Variants in SLC26A7 observed in about 807,000 individuals in gnomAD.
SLC26A7 encodes anion exchange transporter.
SLC26A7 carries 59 observed loss-of-function variants against 82.5 expected under a neutral mutation model. The ratio of observed to expected loss-of-function variants is 0.72; its 90% CI spans 0.58 to 0.89. SLC26A7 has a LOEUF of 0.89. Ranked by LOEUF, SLC26A7 falls within the 40% of genes least tolerant of loss-of-function variation. The probability of loss-of-function intolerance (pLI) is 0.00; values close to 1 mark genes in which losing one functional copy is unlikely to be tolerated. For missense variants in SLC26A7, 820 were observed against 793.0 expected (o/e 1.03, Z -0.41); for synonymous variants, 271 against 274.3 (o/e 0.99, Z 0.12).
At chr8:91,340,092 C>T (rs1813359922) in intron 7 of SLC26A7, among the ~76,000 whole-genome samples, 1 of 152,122 alleles carries the variant, frequency 6.6e-6, no homozygotes, top group South Asian at 2.1e-4. Flanking sequence ...AAAGAATGCT[C>T]CAGATTTGCT....
chr8:91,363,999 T>G (rs2130872016), intron 13 of SLC26A7, among the ~76,000 whole-genome samples: 1 of 151,536 alleles, frequency 6.6e-6, no homozygotes, highest in South Asian at 2.1e-4. Context: ...CAGAGGGTAA[T>G]TCAGTCCAAT....
intron 1 of SLC26A7, chr8:91,218,816 A>T: frequency 1.1e-6 from 1 of 929,322 alleles, no homozygotes; most frequent in East Asian, 2.7e-5. Flanking sequence ...ACCTCTGAGA[A>T]AGCAAATATT....
At chr8:91,217,579 G>T (rs1216501074) in intron 1 of SLC26A7, among the ~76,000 whole-genome samples, 1 of 152,110 alleles carries the variant, frequency 6.6e-6, no homozygotes, top group East Asian at 1.9e-4. Flanking sequence ...GGAAGCAATT[G>T]AGTCATTGCC....
At chr8:91,279,949 A>G (rs765622064) in intron 2 of SLC26A7, among the ~76,000 whole-genome samples, 2 of 152,258 alleles carry the variant, frequency 1.3e-5, no homozygotes, top group Middle Eastern at 6.8e-3. Flanking sequence ...TAAAAAAATC[A>G]GGTTACTTAT....
intron 2 of SLC26A7, among the ~76,000 whole-genome samples, chr8:91,267,168 G>A (rs750629310): frequency 2.1e-4 from 32 of 151,466 alleles, no homozygotes; most frequent in Non-Finnish European, 3.3e-4. Flanking sequence ...AGGATTTTTC[G>A]TACTTAACTC....
chr8:91,273,892 G>A (rs529508189), intron 2 of SLC26A7, among the ~76,000 whole-genome samples: 1 of 152,288 alleles, frequency 6.6e-6, no homozygotes, highest in South Asian at 2.1e-4. Flanking sequence ...TGTTAGTTGA[G>A]GACCTTGTAA....
At chr8:91,331,061 G>A (rs1281425373) in intron 5 of SLC26A7, among the ~76,000 whole-genome samples, 1 of 152,004 alleles carries the variant, frequency 6.6e-6, no homozygotes, top group African/African-American at 2.4e-5. Flanking sequence ...CCTGTACAAG[G>A]TGCATGTCTG....
chr8:91,279,881 C>T (rs1811522926), intron 2 of SLC26A7, among the ~76,000 whole-genome samples: 1 of 152,032 alleles, frequency 6.6e-6, no homozygotes, highest in Non-Finnish European at 1.5e-5. Context: ...TTTAATATAC[C>T]TATTGGTCCT....
chr8:91,275,920 C>G (rs1263134986), intron 2 of SLC26A7, among the ~76,000 whole-genome samples: 1 of 152,146 alleles, frequency 6.6e-6, no homozygotes, highest in Non-Finnish European at 1.5e-5. Context: ...TCCACATTTT[C>G]ATGTGGGCCT....
At chr8:91,339,761 C>A (rs1304273612) in intron 7 of SLC26A7, among the ~76,000 whole-genome samples, 1 of 151,812 alleles carries the variant, frequency 6.6e-6, no homozygotes, top group African/African-American at 2.4e-5. Context: ...TAGACAAGGG[C>A]TGGGTATTAT....
At chr8:91,311,481 G>C (rs1465565300) in intron 4 of SLC26A7, among the ~76,000 whole-genome samples, 1 of 151,570 alleles carries the variant, frequency 6.6e-6, no homozygotes, top group Non-Finnish European at 1.5e-5. Context: ...ATATAATGTG[G>C]AAAAATATAC....
intron 2 of SLC26A7, among the ~76,000 whole-genome samples, chr8:91,260,491 A>C (rs1036205120): frequency 6.6e-6 from 1 of 152,118 alleles, no homozygotes; most frequent in Non-Finnish European, 1.5e-5. Flanking sequence ...TTTACAGCCT[A>C]GGAAGACCAA....
intron 3 of SLC26A7, among the ~76,000 whole-genome samples, chr8:91,291,397 A>C (rs955935474): frequency 6.6e-6 from 1 of 152,158 alleles, no homozygotes; most frequent in African/African-American, 2.4e-5. Flanking sequence ...ACAATAATTA[A>C]TTATAAATTA....
At chr8:91,321,215 G>A (rs1168944470) in intron 5 of SLC26A7, among the ~76,000 whole-genome samples, 5 of 152,182 alleles carry the variant, frequency 3.3e-5, no homozygotes, top group African/African-American at 1.2e-4. Flanking sequence ...GGTGGCAGGT[G>A]TTCTTGCCAC....
chr8:91,224,590 C>T (rs186901933), intron 2 of SLC26A7, among the ~76,000 whole-genome samples: 7 of 152,246 alleles, frequency 4.6e-5, no homozygotes, highest in Non-Finnish European at 5.9e-5. Flanking sequence ...CCTTGAGAGG[C>T]CCCAACCCCT....
intron 9 of SLC26A7, chr8:91,343,859 T>G (rs1394523442): frequency 2.7e-6 from 1 of 364,972 alleles, no homozygotes; most frequent in African/African-American, 2.2e-5. Flanking sequence ...ACACTGAAAG[T>G]TCTATCTATA....
chr8:91,268,401 T>C (rs1441396756), intron 2 of SLC26A7, among the ~76,000 whole-genome samples: 1 of 151,880 alleles, frequency 6.6e-6, no homozygotes, highest in Non-Finnish European at 1.5e-5. Context: ...TATTTGTCTT[T>C]TTTAAACCAT....
intron 2 of SLC26A7, among the ~76,000 whole-genome samples, chr8:91,232,557 T>C (rs1384429249): frequency 6.6e-6 from 1 of 152,246 alleles, no homozygotes; most frequent in Admixed American, 6.5e-5. Flanking sequence ...GGGTTGAACA[T>C]GTCTTGCTGA....
chr8:91,220,071 C>G lies in SLC26A7; in HGVS notation c.-34+1066C>G, dbSNP rs1228193423. Among the ~76,000 whole-genome samples the G allele has an allele frequency of 1.6e-4, 25 of 152,064 alleles. 1 individual carries two copies. Among genetic ancestry groups the G allele is most frequent in the Admixed American group, 1.6e-3 (25 of 15,266 alleles). ...TCAGGTTCTTTATGCATCAGAGTTG[C>G]CTCTGGCATAACTGAGAAATGAAAT... is the stretch of plus-strand genomic sequence containing the variant. On this transcript the variant is annotated intron_variant, in intron 2 of 5. Transcript: ENST00000522862.
Sources: gnomAD v4.1 joint callset for allele counts (sites outside exome capture counted in the v4.1 genomes callset) on GRCh38, gnomAD v4.1.1 for gene constraint, MANE v1.5 for transcripts, NCBI Gene and HGNC (gene_info 2026-07-23, HGNC 2026-07-21) for gene names.